Variants in SUPT3H observed in about 807,000 individuals in gnomAD.
SUPT3H encodes the protein SPT3 homolog, SAGA and STAGA complex component, also known as transcription initiation protein SPT3 homolog.
SUPT3H carries 44 observed loss-of-function variants against 44.3 expected under a neutral mutation model. The observed-to-expected ratio is 0.99, with a 90% confidence interval of 0.78 to 1.28. The LOEUF (loss-of-function observed/expected upper bound fraction) is 1.28, where lower values mean the gene tolerates loss of function less well. Among genes scored for constraint, SUPT3H ranks in the 50% most tolerant of loss-of-function variants. The pLI, the probability that SUPT3H is intolerant of heterozygous loss-of-function variation, is 0.00. For missense variants in SUPT3H, 380 were observed against 387.1 expected (o/e 0.98, Z 0.15); for synonymous variants, 124 against 125.6 (o/e 0.99, Z 0.09).
At chr6:45,027,681 C>T (rs2153521989) in intron 3 of SUPT3H, among the ~76,000 whole-genome samples, 1 of 152,238 alleles carries the variant, frequency 6.6e-6, no homozygotes, top group South Asian at 2.1e-4. Flanking sequence ...TGGGCTACAG[C>T]TGAAATATAC....
chr6:44,859,507 C>G (rs1463797933), intron 10 of SUPT3H, among the ~76,000 whole-genome samples: 1 of 152,000 alleles, frequency 6.6e-6, no homozygotes, highest in Non-Finnish European at 1.5e-5. Context: ...ATACAGAACC[C>G]CTTTGTAGTA....
rs57264289 is a variant in SUPT3H, at chr6:45,103,918, T to C, written c.186+2004A>G. On this transcript the variant is annotated intron_variant, in intron 3 of 10. Transcript: ENST00000371459. ...ACAGAAACTAATGTAGGTCAGAAAA[T>C]ATTAGAATGACATATTCAAAGAGCC... Among the ~76,000 whole-genome samples, 918 of 152,042 alleles carry C rather than the reference T, an allele frequency of 6.0e-3. 14 individuals are homozygous for C. Among genetic ancestry groups the C allele is most frequent in the African/African-American group, 0.021 (877 of 41,494 alleles).
At chr6:44,921,469 T>G (rs540828856) in intron 10 of SUPT3H, among the ~76,000 whole-genome samples, 3 of 152,298 alleles carry the variant, frequency 2.0e-5, no homozygotes, top group African/African-American at 7.2e-5. Flanking sequence ...CCATCAAAAA[T>G]TAAGGCAAAG....
intron 2 of SUPT3H, among the ~76,000 whole-genome samples, chr6:45,263,184 A>G (rs979965897): frequency 2.0e-5 from 3 of 152,078 alleles, no homozygotes; most frequent in Admixed American, 6.6e-5. Context: ...ACTGGCACAC[A>G]TATGTTCAGC....
At chr6:45,237,824 T>C (rs1434344457) in intron 2 of SUPT3H, among the ~76,000 whole-genome samples, 3 of 152,096 alleles carry the variant, frequency 2.0e-5, no homozygotes, top group Non-Finnish European at 4.4e-5. Flanking sequence ...AAAAATCAGG[T>C]AAATGGAGAA....
chr6:44,847,386 A>G (rs1772050858), intron 10 of SUPT3H, among the ~76,000 whole-genome samples: 1 of 152,144 alleles, frequency 6.6e-6, no homozygotes, highest in African/African-American at 2.4e-5. Context: ...CAGCACTTAC[A>G]CTTGTGTTTA....
chr6:44,861,395 G>GT (rs201665366), intron 10 of SUPT3H, among the ~76,000 whole-genome samples: 6,515 of 63,420 alleles, frequency 0.1, 200 homozygotes, highest in South Asian at 0.12. Context: ...TTTTCTTTTT[G>GT]TTTTTTTTTG....
chr6:45,277,358 T>C (rs1242774706), intron 2 of SUPT3H, among the ~76,000 whole-genome samples: 2 of 152,218 alleles, frequency 1.3e-5, no homozygotes, highest in African/African-American at 2.4e-5. Context: ...ACTTCTAATA[T>C]GTCTGGAATC....
intron 2 of SUPT3H, among the ~76,000 whole-genome samples, chr6:45,109,725 A>G (rs1005662716): frequency 6.6e-6 from 1 of 152,240 alleles, no homozygotes; most frequent in African/African-American, 2.4e-5. Flanking sequence ...AACAGAAATG[A>G]AAACTGCTGT....
Position 44,827,722 on chromosome 6 carries a change from A to AAAT in SUPT3H, c.*2091_*2093dup, listed in dbSNP as rs1392342209. ...GTCAGAGAAAGAACCTAAGTATAAAAAATAGAAAAGGGAATTAAAAATATT... is the reference window on the plus strand; with the variant it reads ...GTCAGAGAAAGAACCTAAGTATAAAAAATAATAGAAAAGGGAATTAAAAATATT... On this transcript the variant is annotated 3_prime_UTR_variant, in exon 11 of 11. Coordinates refer to ENST00000371459, the MANE Select transcript of SUPT3H (RefSeq NM_003599.4). Among the ~76,000 whole-genome samples, 8 of 152,282 alleles carry AAAT rather than the reference A, an allele frequency of 5.3e-5. No individual in the cohort carries two copies. Among genetic ancestry groups the AAAT allele is most frequent in the African/African-American group, 1.9e-4 (8 of 41,576 alleles).
intron 2 of SUPT3H, among the ~76,000 whole-genome samples, chr6:45,231,969 T>C (rs1332803244): frequency 6.6e-6 from 1 of 152,186 alleles, no homozygotes; most frequent in Admixed American, 6.5e-5. Flanking sequence ...TTTGATAAAT[T>C]TCTCATAAAT....
At chr6:44,876,504 G>A (rs1441549091) in intron 10 of SUPT3H, among the ~76,000 whole-genome samples, 1 of 124,288 alleles carries the variant, frequency 8.0e-6, no homozygotes, top group South Asian at 3.1e-4. Flanking sequence ...GGACTGTGGT[G>A]GGGTCGGGGG....
At chr6:45,098,876 A>G in intron 3 of SUPT3H, 1 of 548,084 alleles carries the variant, frequency 1.8e-6, no homozygotes, top group Non-Finnish European at 3.6e-6. Flanking sequence ...TCCTTTGATA[A>G]GTTGATTGTC....
At chr6:45,326,872 A>AT (rs1427352998) in intron 2 of SUPT3H, among the ~76,000 whole-genome samples, 1 of 151,838 alleles carries the variant, frequency 6.6e-6, no homozygotes, top group African/African-American at 2.4e-5. Flanking sequence ...CGCCCACCCC[A>AT]TTTACTTTAT....
At chr6:44,842,695 G>C (rs1185875042) in intron 10 of SUPT3H, among the ~76,000 whole-genome samples, 1 of 152,140 alleles carries the variant, frequency 6.6e-6, no homozygotes, top group African/African-American at 2.4e-5. Flanking sequence ...AGAGCAGTTT[G>C]ATGGTCTGTG....
At chr6:44,896,352 A>T (rs902359913) in intron 10 of SUPT3H, among the ~76,000 whole-genome samples, 1 of 152,192 alleles carries the variant, frequency 6.6e-6, no homozygotes, top group Non-Finnish European at 1.5e-5. Flanking sequence ...ATCGCAAGTA[A>T]TGTTCTAAGG....
intron 10 of SUPT3H, among the ~76,000 whole-genome samples, chr6:44,927,185 CATAAT>C (rs942109124): frequency 6.6e-6 from 1 of 151,906 alleles, no homozygotes; most frequent in African/African-American, 2.4e-5. Context: ...TTAAGGACTA[CATAAT>C]ATACTATAAA....
At chr6:44,844,522 G>A (rs560119806) in intron 10 of SUPT3H, among the ~76,000 whole-genome samples, 10 of 151,854 alleles carry the variant, frequency 6.6e-5, no homozygotes, top group Admixed American at 1.3e-4. Context: ...AACCAAATGC[G>A]GTACACCCAT....
chr6:44,813,434 C>G (rs9472369), intron 11 of SUPT3H, among the ~76,000 whole-genome samples: 413 of 152,188 alleles, frequency 2.7e-3, no homozygotes, highest in African/African-American at 8.8e-3. Context: ...GATCCTCCCC[C>G]CTACCTTGGC....
Sources: gnomAD v4.1 joint callset for allele counts (sites outside exome capture counted in the v4.1 genomes callset) on GRCh38, gnomAD v4.1.1 for gene constraint, MANE v1.5 for transcripts, NCBI Gene and HGNC (gene_info 2026-07-23, HGNC 2026-07-21) for gene names.